RABGAP1L: variants seen among roughly 807,000 people sequenced by gnomAD.
RABGAP1L encodes the protein rab GTPase-activating protein 1-like.
A neutral mutation model predicts 137.7 loss-of-function variants in RABGAP1L; 63 were observed. The ratio of observed to expected loss-of-function variants is 0.46; its 90% CI spans 0.37 to 0.56. The LOEUF is 0.56. Among genes scored for constraint, RABGAP1L ranks in the 20% least tolerant of loss-of-function variants. The pLI is 0.00. For synonymous variants in RABGAP1L, 431 were observed against 433.7 expected (o/e 0.99, Z 0.08); for missense variants, 1,095 against 1,244.0 (o/e 0.88, Z 1.80).
intron 14 of RABGAP1L, among the ~76,000 whole-genome samples, chr1:174,669,372 G>A (rs1171208257): frequency 3.9e-5 from 6 of 152,018 alleles, no homozygotes; most frequent in Admixed American, 3.9e-4. Flanking sequence ...ATTTTAGGTG[G>A]GGACACAGCC....
chr1:174,948,187 T>C (rs1667169649), intron 19 of RABGAP1L, among the ~76,000 whole-genome samples: 1 of 152,048 alleles, frequency 6.6e-6, no homozygotes, highest in Non-Finnish European at 1.5e-5. Flanking sequence ...AGGATGACTA[T>C]AGTCAATAAT....
intron 4 of RABGAP1L, among the ~76,000 whole-genome samples, chr1:174,232,271 G>T (rs1323988022): frequency 6.6e-6 from 1 of 152,178 alleles, no homozygotes; most frequent in African/African-American, 2.4e-5. Context: ...ACTTTGGGAG[G>T]CTGAGGTGGG....
At chr1:174,163,231 CT>C (rs543252448) in intron 1 of RABGAP1L, among the ~76,000 whole-genome samples, 39 of 152,224 alleles carry the variant, frequency 2.6e-4, no homozygotes, top group African/African-American at 8.9e-4. Context: ...ATAATTTTGA[CT>C]TTATAGTCAG....
chr1:174,803,900 C>T (rs1688990183), intron 18 of RABGAP1L, among the ~76,000 whole-genome samples: 1 of 151,846 alleles, frequency 6.6e-6, no homozygotes. Flanking sequence ...TGGCAAAATC[C>T]CATCTCTCCT....
chr1:174,973,886 C>T (rs12042108), intron 21 of RABGAP1L, among the ~76,000 whole-genome samples: 2 of 150,460 alleles, frequency 1.3e-5, no homozygotes, highest in East Asian at 1.9e-4. Context: ...CTCAAACATT[C>T]TGGGGTAGAA....
At chr1:174,533,613 T>G (rs1390369182) in intron 13 of RABGAP1L, among the ~76,000 whole-genome samples, 1 of 152,244 alleles carries the variant, frequency 6.6e-6, no homozygotes, top group Non-Finnish European at 1.5e-5. Flanking sequence ...TTCTCTAGCT[T>G]ACTTTGTGTG....
In RABGAP1L at chr1:174,846,095, T is replaced by C. The variant is rs1219954195; in HGVS notation, c.2340+34135T>C. ...ATATCCCCTTTATTATTTTTTATTGTGTCTATTTGATTCTTCTCTCTTTTC... is the reference window on the plus strand; with the variant it reads ...ATATCCCCTTTATTATTTTTTATTGCGTCTATTTGATTCTTCTCTCTTTTC... On this transcript the variant is annotated intron_variant, in intron 19 of 25. Coordinates refer to ENST00000681986, the MANE Select transcript of RABGAP1L (RefSeq NM_001366446.1). Among the ~76,000 whole-genome samples the C allele has an allele frequency of 3.3e-5, 5 of 152,032 alleles. No homozygotes were observed. The East Asian group carries it at 7.8e-4, about 24-fold the overall frequency.
chr1:174,612,016 T>C (rs895246052), intron 13 of RABGAP1L, among the ~76,000 whole-genome samples: 13 of 152,224 alleles, frequency 8.5e-5, no homozygotes, highest in Non-Finnish European at 7.4e-5. Context: ...GACAATTTGA[T>C]TTCCTCTTTT....
At chr1:174,254,597 T>C (rs955299841) in intron 7 of RABGAP1L, among the ~76,000 whole-genome samples, 1 of 152,204 alleles carries the variant, frequency 6.6e-6, no homozygotes, top group East Asian at 1.9e-4. Context: ...GTTTGGTTTT[T>C]TGTTCCTGTG....
At chr1:174,537,435 C>T (rs1400142907) in intron 13 of RABGAP1L, among the ~76,000 whole-genome samples, 1 of 152,160 alleles carries the variant, frequency 6.6e-6, no homozygotes, top group African/African-American at 2.4e-5. Context: ...CTACTAAGAA[C>T]CTATTTTCCT....
At chr1:174,395,939 G>A (rs917549944) in intron 13 of RABGAP1L, among the ~76,000 whole-genome samples, 7 of 151,722 alleles carry the variant, frequency 4.6e-5, no homozygotes, top group African/African-American at 1.7e-4. Context: ...AATGATGTAC[G>A]TCTACTTGGG....
intron 14 of RABGAP1L, among the ~76,000 whole-genome samples, chr1:174,645,231 G>C (rs538880770): frequency 6.6e-6 from 1 of 151,786 alleles, no homozygotes; most frequent in Non-Finnish European, 1.5e-5. Context: ...TTTAGATTAT[G>C]TATTATATAT....
intron 19 of RABGAP1L, among the ~76,000 whole-genome samples, chr1:174,833,798 G>C (rs1427125451): frequency 2.0e-5 from 3 of 151,960 alleles, no homozygotes; most frequent in African/African-American, 7.3e-5. Context: ...AAAATCGCAA[G>C]TTGTGATAAA....
intron 19 of RABGAP1L, chr1:174,938,591 T>C (rs1309203580): frequency 6.6e-6 from 1 of 152,218 alleles, no homozygotes; most frequent in Non-Finnish European, 1.5e-5. Flanking sequence ...GAAGATCCCA[T>C]TGAGTGTTTT....
intron 13 of RABGAP1L, among the ~76,000 whole-genome samples, chr1:174,635,353 T>C (rs1673912726): frequency 6.6e-6 from 1 of 152,194 alleles, no homozygotes; most frequent in African/African-American, 2.4e-5. Context: ...ATCTTTCAGG[T>C]AGTTTATAAG....
At chr1:174,876,756 A>G (rs372395278) in intron 19 of RABGAP1L, among the ~76,000 whole-genome samples, 4 of 152,318 alleles carry the variant, frequency 2.6e-5, no homozygotes, top group South Asian at 4.1e-4. Flanking sequence ...CTGAATAACA[A>G]CACAAAACTA....
chr1:174,605,775 G>T (rs751355159), intron 13 of RABGAP1L, among the ~76,000 whole-genome samples: 7 of 152,146 alleles, frequency 4.6e-5, no homozygotes, highest in Admixed American at 1.3e-4. Flanking sequence ...AGATAATTTT[G>T]TTCTTGCAAA....
chr1:174,793,889 T>C (rs929835103), intron 18 of RABGAP1L, among the ~76,000 whole-genome samples: 8 of 151,910 alleles, frequency 5.3e-5, no homozygotes, highest in Admixed American at 4.6e-4. Flanking sequence ...TAGAGACAGG[T>C]TTATGATATG....
chr1:174,537,677 G>A (rs1000311598), intron 13 of RABGAP1L, among the ~76,000 whole-genome samples: 3 of 152,184 alleles, frequency 2.0e-5, no homozygotes, highest in East Asian at 3.8e-4. Context: ...CTACCTGAGA[G>A]CATAACACTA....
Sources: allele counts gnomAD v4.1 joint callset (sites outside exome capture counted in the v4.1 genomes callset), GRCh38; gene constraint gnomAD v4.1.1; transcripts MANE v1.5; gene names NCBI Gene and HGNC (gene_info 2026-07-23, HGNC 2026-07-21).